The following PHLDB2 variants were observed in gnomAD, a reference collection of about 807,000 sequenced individuals.
PHLDB2 encodes pleckstrin homology like domain family B member 2.
Under a neutral mutation model 123.6 loss-of-function variants are expected in PHLDB2, and 71 were observed. The ratio of observed to expected loss-of-function variants is 0.57; its 90% CI spans 0.47 to 0.70. The LOEUF (loss-of-function observed/expected upper bound fraction) is 0.70. Among genes scored for constraint, PHLDB2 ranks in the 30% least tolerant of loss-of-function variants. PHLDB2 has a pLI of 0.00. For missense variants in PHLDB2, 1,446 were observed against 1,519.5 expected, an observed-to-expected ratio of 0.95 and a Z score of 0.80; for synonymous variants, 547 against 541.6, an observed-to-expected ratio of 1.01 and a Z score of -0.14.
intron 2 of PHLDB2, among the ~76,000 whole-genome samples, chr3:111,887,621 G>A (rs2066251939): frequency 6.6e-6 from 1 of 152,012 alleles, no homozygotes; most frequent in Non-Finnish European, 1.5e-5. Flanking sequence ...TTTTCCCCCT[G>A]AAAAAATAAA....
chr3:111,954,463 C>G (rs2070911747), intron 12 of PHLDB2, among the ~76,000 whole-genome samples: 1 of 152,162 alleles, frequency 6.6e-6, no homozygotes, highest in South Asian at 2.1e-4. Context: ...TGGCCCAGAA[C>G]AGAATTCTTA....
intron 1 of PHLDB2, among the ~76,000 whole-genome samples, chr3:111,869,993 G>C (rs1197798757): frequency 6.6e-6 from 1 of 152,184 alleles, no homozygotes; most frequent in East Asian, 1.9e-4. Flanking sequence ...GAATCCATTT[G>C]CTGCTGTGTT....
intron 1 of PHLDB2, among the ~76,000 whole-genome samples, chr3:111,839,571 A>G (rs1391406573): frequency 6.6e-6 from 1 of 152,198 alleles, no homozygotes; most frequent in Non-Finnish European, 1.5e-5. Flanking sequence ...TGAGTTTATC[A>G]TTGATTTTCT....
chr3:111,828,793 GAACA>G (rs142242253), intron 1 of PHLDB2, among the ~76,000 whole-genome samples: 9,754 of 152,004 alleles, frequency 0.064, 414 homozygotes, highest in South Asian at 0.17. Flanking sequence ...AAAACAAAAT[GAACA>G]AACAAACAAA....
chr3:111,771,837 G>T (rs1208929384), intron 1 of PHLDB2, among the ~76,000 whole-genome samples: 1 of 152,008 alleles, frequency 6.6e-6, no homozygotes, highest in Non-Finnish European at 1.5e-5. Flanking sequence ...ACATCTTTTG[G>T]GGGGACACAA....
intron 1 of PHLDB2, among the ~76,000 whole-genome samples, chr3:111,781,077 G>A (rs1381245880): frequency 1.3e-5 from 2 of 150,548 alleles, no homozygotes; most frequent in Non-Finnish European, 3.0e-5. Context: ...ACATTAAAAT[G>A]TATGGAGTTT....
chr3:111,896,943 C>T (rs2066907149), intron 2 of PHLDB2, among the ~76,000 whole-genome samples: 1 of 152,116 alleles, frequency 6.6e-6, no homozygotes, highest in Non-Finnish European at 1.5e-5. Flanking sequence ...CAAAGGGATC[C>T]TGTGTATCCT....
intron 1 of PHLDB2, among the ~76,000 whole-genome samples, chr3:111,744,670 T>A (rs1216931817): frequency 6.6e-6 from 1 of 152,226 alleles, no homozygotes; most frequent in Non-Finnish European, 1.5e-5. Context: ...CAGTGGCCAA[T>A]AGATCTGTGT....
At chr3:111,932,736 C>G (rs1305705215) in intron 6 of PHLDB2, among the ~76,000 whole-genome samples, 1 of 152,162 alleles carries the variant, frequency 6.6e-6, no homozygotes, top group African/African-American at 2.4e-5. Context: ...TTCTCTGCTG[C>G]ATCATGAATC....
intron 4 of PHLDB2, among the ~76,000 whole-genome samples, chr3:111,920,033 G>A (rs2068405776): frequency 6.6e-6 from 1 of 152,184 alleles, no homozygotes; most frequent in Non-Finnish European, 1.5e-5. Flanking sequence ...GAGCAGAAGA[G>A]GGGTTATAGT....
chr3:111,911,601 C>T (rs2067885172), intron 2 of PHLDB2: 3 of 1,535,464 alleles, frequency 2.0e-6, no homozygotes, highest in East Asian at 2.4e-5. Context: ...TACCAGGGCT[C>T]CTGGATGGAT....
At chr3:111,913,164 T>C (rs114296327) in intron 2 of PHLDB2, among the ~76,000 whole-genome samples, 155 bp from the exon 3 acceptor site, 4,664 of 152,326 alleles carry the variant, frequency 0.031, 131 homozygotes, top group South Asian at 0.12. Context: ...TTTAAATGCA[T>C]CCGTCAAAGA....
At chr3:111,889,395 T>C (rs2066349918) in intron 2 of PHLDB2, among the ~76,000 whole-genome samples, 1 of 149,268 alleles carries the variant, frequency 6.7e-6, no homozygotes, top group South Asian at 2.1e-4. Flanking sequence ...AATCAGGTCT[T>C]TTTTTTTTTA....
chr3:111,758,720 G>A (rs1466330672), intron 1 of PHLDB2, among the ~76,000 whole-genome samples: 4 of 152,204 alleles, frequency 2.6e-5, no homozygotes, highest in Admixed American at 6.5e-5. Context: ...GCTGCAGACT[G>A]GAGCTGTTCC....
At position 111,967,764 on chromosome 3, in the gene PHLDB2, T is replaced by C. The variant is rs767682762; in HGVS notation, c.3255T>C (p.Thr1085=). Residue 1085 remains threonine, a synonymous_variant, in exon 15 of 18, where the codon ACT becomes ACC. Transcript: ENST00000431670. ...TGGAAAAACGATTACAGGAAGAAAC[T>C]AGCCAGAGGCAGAAGTTAATAGAAA... ...EILEKRLQEE[T]SQRQKLIEKE... 6.2e-7 allele frequency: 1 copy of C among 1,612,902 alleles called. No homozygotes were observed. The highest frequency in any genetic ancestry group is 1.1e-5 in the South Asian group (1 of 90,886).
chr3:111,911,819 AAGTC>A, intron 2 of PHLDB2: 3 of 970,230 alleles, frequency 3.1e-6, no homozygotes, highest in Non-Finnish European at 4.7e-6. Flanking sequence ...GGGCAAATGT[AAGTC>A]AGATACACCT....
In PHLDB2 at chr3:111,752,284, G is replaced by A. The variant is rs1178303028; in HGVS notation, c.-49+19581G>A. On this transcript the variant is annotated intron_variant, in intron 1 of 17. Transcript: ENST00000393923. Reference sequence around the variant, plus strand: ...TGTGTGTGCATTTTAAGACACAAATGCCTGTACTCATATCCTACTAAACTC... The same window carrying A: ...TGTGTGTGCATTTTAAGACACAAATACCTGTACTCATATCCTACTAAACTC... 3.3e-5 allele frequency among the ~76,000 whole-genome samples: 5 copies of A among 151,594 alleles called. No individual in the cohort carries two copies. In the East Asian group the frequency reaches 9.7e-4, roughly 29 times the overall value.
At chr3:111,826,927 CG>C (rs2062680989) in intron 1 of PHLDB2, among the ~76,000 whole-genome samples, 1 of 151,956 alleles carries the variant, frequency 6.6e-6, no homozygotes, top group South Asian at 2.1e-4. Context: ...ATGGAAATGA[CG>C]TGATGATTTA....
intron 2 of PHLDB2, chr3:111,846,122 TC>T: frequency 3.4e-6 from 2 of 587,284 alleles, no homozygotes; most frequent in East Asian, 5.8e-5. Flanking sequence ...GGCCACCATA[TC>T]TTACTTCACT....
Sources: gnomAD v4.1 joint callset for allele counts (sites outside exome capture counted in the v4.1 genomes callset) on GRCh38, gnomAD v4.1.1 for gene constraint, MANE v1.5 for transcripts, NCBI Gene and HGNC (gene_info 2026-07-23, HGNC 2026-07-21) for gene names.